Variants in CCDC148 observed in about 807,000 individuals in gnomAD.
The protein encoded by CCDC148 is coiled-coil domain containing 148, also known as coiled-coil domain-containing protein 148.
CCDC148 carries 89 observed loss-of-function variants against 85.7 expected under a neutral mutation model. That is an observed-to-expected ratio of 1.04 (90% CI 0.87 to 1.24). CCDC148 has a LOEUF of 1.24. Among genes scored for constraint, CCDC148 ranks in the 50% most tolerant of loss-of-function variants. The pLI, the probability that CCDC148 is intolerant of heterozygous loss-of-function variation, is 0.00. For synonymous variants in CCDC148, 230 were observed against 213.9 expected (o/e 1.08, Z -0.66); for missense variants, 692 against 671.7 (o/e 1.03, Z -0.33).
At chr2:158,374,093 T>C (rs1574714652) in intron 1 of CCDC148, among the ~76,000 whole-genome samples, 1 of 152,214 alleles carries the variant, frequency 6.6e-6, no homozygotes, top group East Asian at 1.9e-4. Context: ...TAGGGTCACC[T>C]GTATGAGATG....
chr2:158,217,372 G>GTATATATATATATATATATATATA (rs1279069325), intron 11 of CCDC148, among the ~76,000 whole-genome samples: 38 of 72,312 alleles, frequency 5.3e-4, no homozygotes, highest in African/African-American at 1.4e-3. Flanking sequence ...TTGTGTGTGT[G>GTATATATATATATATATATATATA]TGTATATATA....
intron 11 of CCDC148, among the ~76,000 whole-genome samples, chr2:158,213,095 G>C (rs902039578): frequency 1.3e-5 from 2 of 152,124 alleles, no homozygotes; most frequent in South Asian, 2.1e-4. Flanking sequence ...TCTGGCCTGG[G>C]CATCAGGACT....
In CCDC148 at chr2:158,323,516, G is replaced by C. The variant is rs186358866; in HGVS notation, c.765-9622C>G. Among the ~76,000 whole-genome samples, 503 of 152,146 alleles carry C rather than the reference G, an allele frequency of 3.3e-3. 3 individuals are homozygous for C. The highest frequency in any genetic ancestry group is 5.1e-3 in the Admixed American group (78 of 15,270). ...GCTTTTATCATATTTCTATGAAATG[G>C]CAACCTGTTTTACCAGCTGATACTG... On this transcript the variant is annotated intron_variant, in intron 7 of 13. Transcript: ENST00000283233.
intron 9 of CCDC148, among the ~76,000 whole-genome samples, chr2:158,293,979 C>T (rs56046807): frequency 0.29 from 10,884 of 37,718 alleles, 1,927 homozygotes; most frequent in Non-Finnish European, 0.31. Context: ...CCTCCCCCCC[C>T]CCCTCCCTCC....
chr2:158,362,287 T>C (rs1450581526), intron 1 of CCDC148, among the ~76,000 whole-genome samples: 1 of 152,120 alleles, frequency 6.6e-6, no homozygotes, highest in Non-Finnish European at 1.5e-5. Context: ...AACAAGGATA[T>C]TCAGGACTTG....
intron 9 of CCDC148, among the ~76,000 whole-genome samples, chr2:158,286,888 A>G (rs1415518948): frequency 6.6e-6 from 1 of 152,212 alleles, no homozygotes; most frequent in Non-Finnish European, 1.5e-5. Flanking sequence ...AGAAGATTAA[A>G]AGGAAAATGG....
chr2:158,275,377 A>G (rs1368136497), intron 9 of CCDC148, among the ~76,000 whole-genome samples: 1 of 152,226 alleles, frequency 6.6e-6, no homozygotes, highest in Non-Finnish European at 1.5e-5. Context: ...TGTGATTGTT[A>G]TATTATTTAG....
chr2:158,424,265 C>T (rs1686960212), intron 1 of CCDC148, among the ~76,000 whole-genome samples: 1 of 152,106 alleles, frequency 6.6e-6, no homozygotes, highest in South Asian at 2.1e-4. Context: ...GACACATGCA[C>T]ATGTATGTTT....
intron 2 of CCDC148, among the ~76,000 whole-genome samples, chr2:158,355,185 C>G (rs867218069): frequency 4.6e-5 from 7 of 151,858 alleles, no homozygotes; most frequent in Middle Eastern, 3.2e-3. Context: ...GGGATGCCCT[C>G]TCTCACCACT....
chr2:158,270,803 G>A (rs1689664101), intron 9 of CCDC148, among the ~76,000 whole-genome samples: 1 of 152,124 alleles, frequency 6.6e-6, no homozygotes, highest in African/African-American at 2.4e-5. Context: ...TACCAGGGGG[G>A]AGTACTTTTC....
At chr2:158,377,426 G>A (rs1175820339) in intron 1 of CCDC148, among the ~76,000 whole-genome samples, 2 of 151,950 alleles carry the variant, frequency 1.3e-5, no homozygotes, top group African/African-American at 4.8e-5. Context: ...ATTAACATAC[G>A]ACTACCACTT....
At chr2:158,360,222 T>C (rs976991351) in intron 1 of CCDC148, among the ~76,000 whole-genome samples, 2 of 152,150 alleles carry the variant, frequency 1.3e-5, no homozygotes, top group African/African-American at 4.8e-5. Flanking sequence ...ACAGAGCACT[T>C]GGAGGAAGGG....
At chr2:158,284,278 T>TA (rs199950000) in intron 9 of CCDC148, among the ~76,000 whole-genome samples, 69 of 146,536 alleles carry the variant, frequency 4.7e-4, no homozygotes, top group African/African-American at 9.3e-4. Flanking sequence ...AGTATAATAA[T>TA]AAAAAAAAAA....
intron 1 of CCDC148, among the ~76,000 whole-genome samples, chr2:158,374,561 G>A (rs955713786): frequency 1.1e-4 from 17 of 151,856 alleles, no homozygotes; most frequent in African/African-American, 3.9e-4. Context: ...ATGCCCACAC[G>A]TAGACCAAAC....
intron 1 of CCDC148, among the ~76,000 whole-genome samples, chr2:158,421,436 A>G (rs7580785): frequency 0.34 from 52,143 of 152,070 alleles, 10,164 homozygotes; most frequent in Middle Eastern, 0.47. Flanking sequence ...TCAGAAACTC[A>G]CTCAAAACTG....
At chr2:158,207,818 G>A (rs34098238) in intron 11 of CCDC148, among the ~76,000 whole-genome samples, 34,120 of 152,150 alleles carry the variant, frequency 0.22, 3,908 homozygotes, top group Middle Eastern at 0.27. Context: ...AAGAACTGCA[G>A]TCAGTCAAGA....
At chr2:158,427,208 A>G (rs1687118221) in intron 1 of CCDC148, among the ~76,000 whole-genome samples, 1 of 152,228 alleles carries the variant, frequency 6.6e-6, no homozygotes, top group Admixed American at 6.5e-5. Context: ...GATAATGCAC[A>G]TTAGGCAACA....
At chr2:158,340,487 C>T (rs1421411205) in intron 4 of CCDC148, 94 bp from the exon 5 acceptor site, 3 of 1,479,070 alleles carry the variant, frequency 2.0e-6, no homozygotes, top group Non-Finnish European at 2.8e-6. Flanking sequence ...TTGGGGATTT[C>T]CTTAGAAAAA....
chr2:158,299,241 C>A (rs1315594950), intron 9 of CCDC148, among the ~76,000 whole-genome samples: 4 of 152,218 alleles, frequency 2.6e-5, no homozygotes, highest in Non-Finnish European at 4.4e-5. Context: ...TGTGACCTCT[C>A]AAATCTCTAT....
Sources: allele counts gnomAD v4.1 joint callset (sites outside exome capture counted in the v4.1 genomes callset), GRCh38; gene constraint gnomAD v4.1.1; transcripts MANE v1.5; gene names NCBI Gene and HGNC (gene_info 2026-07-23, HGNC 2026-07-21).